Variants in DOCK3 observed in about 807,000 individuals in gnomAD.
The protein encoded by DOCK3 is dedicator of cytokinesis protein 3.
Under a neutral mutation model 265.6 loss-of-function variants are expected in DOCK3, and 60 were observed. That is an observed-to-expected ratio of 0.23 (90% CI 0.18 to 0.28). The LOEUF (loss-of-function observed/expected upper bound fraction) is 0.28, where lower values mean the gene tolerates loss of function less well. Among genes scored for constraint, DOCK3 ranks in the 10% least tolerant of loss-of-function variants. DOCK3 has a pLI of 1.00. For missense variants in DOCK3, 1,981 were observed against 2,594.3 expected (o/e 0.76, Z 5.14); for synonymous variants, 881 against 938.0 (o/e 0.94, Z 1.11).
chr3:50,857,392 C>G (rs1484814704), intron 3 of DOCK3, among the ~76,000 whole-genome samples: 1 of 152,068 alleles, frequency 6.6e-6, no homozygotes, highest in Non-Finnish European at 1.5e-5. Context: ...CTTCCTGATT[C>G]AATCTTGGGA....
At chr3:51,161,525 C>T (rs746449046) in intron 12 of DOCK3, among the ~76,000 whole-genome samples, 4 of 152,088 alleles carry the variant, frequency 2.6e-5, no homozygotes, top group Non-Finnish European at 4.4e-5. Flanking sequence ...GCCCAGGCAG[C>T]ATTATTTTTA....
chr3:50,951,182 T>G (rs1016986386), intron 5 of DOCK3, among the ~76,000 whole-genome samples: 2 of 152,194 alleles, frequency 1.3e-5, no homozygotes, highest in African/African-American at 4.8e-5. Context: ...GATATCCTCA[T>G]TTAGCATTGG....
At chr3:51,272,120 T>C (rs1299339993) in intron 24 of DOCK3, among the ~76,000 whole-genome samples, 1 of 152,226 alleles carries the variant, frequency 6.6e-6, no homozygotes, top group Non-Finnish European at 1.5e-5. Flanking sequence ...GACAACCAAA[T>C]GCTCAATGGC....
chr3:51,073,609 C>G (rs1321071217), intron 6 of DOCK3, among the ~76,000 whole-genome samples: 1 of 152,112 alleles, frequency 6.6e-6, no homozygotes, highest in Non-Finnish European at 1.5e-5. Context: ...ATAAGGCCAA[C>G]AGTTTATTAC....
chr3:50,943,036 A>G (rs1188077680), intron 5 of DOCK3, among the ~76,000 whole-genome samples: 1 of 152,102 alleles, frequency 6.6e-6, no homozygotes, highest in Non-Finnish European at 1.5e-5. Flanking sequence ...TTTAAGAAAC[A>G]TGCTGTATGT....
chr3:50,754,769 G>C (rs942387095), intron 1 of DOCK3, among the ~76,000 whole-genome samples: 5 of 151,934 alleles, frequency 3.3e-5, no homozygotes, highest in South Asian at 2.1e-4. Flanking sequence ...ATGTTGGCTA[G>C]GCTGGTCTCG....
Position 51,347,515 on chromosome 3 carries a change from G to A in DOCK3, c.3916-1337G>A, listed in dbSNP as rs145466919. On this transcript the variant is annotated intron_variant, in intron 38 of 52. Transcript: ENST00000266037. ...TGGTCCATATCTCTGTTTTGGTACC[G>A]GTACCATGCTGTTTTGGTCACTGTA... 4.0e-4 allele frequency among the ~76,000 whole-genome samples: 61 copies of A among 152,228 alleles called. No individual in the cohort carries two copies. The East Asian group carries it at 4.8e-3, about 12-fold the overall frequency.
At chr3:50,945,521 C>T (rs981858583) in intron 5 of DOCK3, among the ~76,000 whole-genome samples, 3 of 152,002 alleles carry the variant, frequency 2.0e-5, no homozygotes, top group Non-Finnish European at 4.4e-5. Context: ...AAGAAATGAA[C>T]AATTTCTAGA....
At chr3:50,861,135 G>A (rs574321114) in intron 3 of DOCK3, among the ~76,000 whole-genome samples, 1 of 152,236 alleles carries the variant, frequency 6.6e-6, no homozygotes, top group Non-Finnish European at 1.5e-5. Flanking sequence ...CCACTTTGCT[G>A]GGTGGTGGAG....
In DOCK3 at chr3:50,907,020, A is replaced by G. The variant is rs540419431; in HGVS notation, c.218+16939A>G. ...GCCTTCATTTTGTTATGTACCCAGT[A>G]GTCATTCAGGAGCAGGTTGTTCAGT... is the stretch of plus-strand genomic sequence containing the variant. On this transcript the variant is annotated intron_variant, in intron 4 of 52. Coordinates refer to ENST00000266037, the MANE Select transcript of DOCK3 (RefSeq NM_004947.5). Among the ~76,000 whole-genome samples the G allele has an allele frequency of 2.0e-5, 3 of 152,150 alleles. No homozygotes were observed. In the East Asian group the frequency reaches 5.8e-4, roughly 29 times the overall value.
chr3:51,103,376 G>A (rs1241215003), intron 9 of DOCK3, among the ~76,000 whole-genome samples: 2 of 152,286 alleles, frequency 1.3e-5, no homozygotes, highest in South Asian at 2.1e-4. Context: ...AAAAGTGAAA[G>A]CAAAGCTAGT....
rs145761496 is a variant in DOCK3, at chr3:51,065,195, A to C, written c.464+599A>C. On this transcript the variant is annotated intron_variant, in intron 6 of 52. Transcript: ENST00000266037. Reference sequence around the variant, plus strand: ...AATTGATATATCAATAATTGATATAATAATTAATATAACTTTATAATTGAT... The same window carrying C: ...AATTGATATATCAATAATTGATATACTAATTAATATAACTTTATAATTGAT... Among the ~76,000 whole-genome samples, 354 of 152,208 alleles carry C rather than the reference A, an allele frequency of 2.3e-3. 2 individuals carry two copies. The highest frequency in any genetic ancestry group is 8.3e-3 in the African/African-American group (344 of 41,564).
chr3:50,951,987 C>T (rs2076603754), intron 5 of DOCK3, among the ~76,000 whole-genome samples: 1 of 152,144 alleles, frequency 6.6e-6, no homozygotes, highest in African/African-American at 2.4e-5. Context: ...CTTTTAAGCA[C>T]ATTTTCGACA....
chr3:51,373,915 C>G (rs1270549694), intron 49 of DOCK3, among the ~76,000 whole-genome samples: 3 of 152,206 alleles, frequency 2.0e-5, no homozygotes, highest in African/African-American at 7.2e-5. Context: ...GACCTAGAAT[C>G]TGGAAGGGAG....
At chr3:50,994,671 G>C (rs1385775832) in intron 5 of DOCK3, among the ~76,000 whole-genome samples, 1 of 152,196 alleles carries the variant, frequency 6.6e-6, no homozygotes, top group Non-Finnish European at 1.5e-5. Flanking sequence ...TTGGCAGTAT[G>C]GTTGTAGATT....
intron 1 of DOCK3, among the ~76,000 whole-genome samples, chr3:50,772,042 A>G (rs2041309960): frequency 6.6e-6 from 1 of 152,218 alleles, no homozygotes; most frequent in Non-Finnish European, 1.5e-5. Context: ...GAAGCAATCT[A>G]AGCATCCATG....
At chr3:51,177,262 CAA>C (rs2087012935) in intron 12 of DOCK3, among the ~76,000 whole-genome samples, 1 of 152,018 alleles carries the variant, frequency 6.6e-6, no homozygotes, top group Admixed American at 6.6e-5. Context: ...AAACAATAAC[CAA>C]AAATGCTAGA....
intron 1 of DOCK3, among the ~76,000 whole-genome samples, chr3:50,758,810 A>G (rs1376768144): frequency 1.3e-5 from 2 of 152,250 alleles, no homozygotes; most frequent in African/African-American, 2.4e-5. Context: ...TGTAAGATTG[A>G]AAAATCATGA....
In DOCK3 at chr3:51,156,544, A is replaced by G. The variant is rs192608802; in HGVS notation, c.829-2700A>G. Among the ~76,000 whole-genome samples the G allele has an allele frequency of 2.3e-3, 350 of 152,358 alleles. 2 individuals are homozygous for G. The highest frequency in any genetic ancestry group is 8.2e-3 in the African/African-American group (340 of 41,588). ...AACCTTATGGTAACTGTGTTTAGTC[A>G]TACACCTATATTTAATAAGATAGCT... On this transcript the variant is annotated intron_variant, in intron 10 of 52. Transcript: ENST00000266037.
Sources: gnomAD v4.1 joint callset for allele counts (sites outside exome capture counted in the v4.1 genomes callset) on GRCh38, gnomAD v4.1.1 for gene constraint, MANE v1.5 for transcripts, NCBI Gene and HGNC (gene_info 2026-07-23, HGNC 2026-07-21) for gene names.